Variants in GALNTL6 observed in about 807,000 individuals in gnomAD.
The protein encoded by GALNTL6 is polypeptide N-acetylgalactosaminyltransferase-like 6.
A neutral mutation model predicts 73.7 loss-of-function variants in GALNTL6; 46 were observed. The ratio of observed to expected loss-of-function variants is 0.62; its 90% CI spans 0.49 to 0.80. The LOEUF is 0.80. Ranked by LOEUF, GALNTL6 falls within the 30% of genes least tolerant of loss-of-function variation. The pLI is 0.00. For synonymous variants in GALNTL6, 259 were observed against 263.7 expected (o/e 0.98, Z 0.17); for missense variants, 604 against 755.0 (o/e 0.80, Z 2.34).
chr4:172,174,626 C>CA (rs1489079885), intron 2 of GALNTL6, among the ~76,000 whole-genome samples: 18 of 152,066 alleles, frequency 1.2e-4, no homozygotes, highest in African/African-American at 4.3e-4. Context: ...AGACATTACT[C>CA]AAAGCACTAC....
chr4:172,864,467 C>A (rs988965763), intron 7 of GALNTL6, among the ~76,000 whole-genome samples: 5 of 152,192 alleles, frequency 3.3e-5, no homozygotes, highest in Non-Finnish European at 7.3e-5. Flanking sequence ...CTAGAATAAT[C>A]TGTGAAATTA....
At chr4:172,046,457 G>C (rs148998050) in intron 2 of GALNTL6, among the ~76,000 whole-genome samples, 1 of 152,024 alleles carries the variant, frequency 6.6e-6, no homozygotes, top group African/African-American at 2.4e-5. Flanking sequence ...ATAGTTTCCC[G>C]TGAGATCTGT....
At chr4:172,679,060 T>C (rs1307253866) in intron 5 of GALNTL6, among the ~76,000 whole-genome samples, 1 of 152,220 alleles carries the variant, frequency 6.6e-6, no homozygotes, top group Non-Finnish European at 1.5e-5. Context: ...AAATTTGAAT[T>C]CCATTGAATT....
At chr4:171,828,501 A>G (rs1328849216) in intron 2 of GALNTL6, among the ~76,000 whole-genome samples, 1 of 152,224 alleles carries the variant, frequency 6.6e-6, no homozygotes, top group African/African-American at 2.4e-5. Context: ...ATGGAAGTCC[A>G]CAGCTGCAGT....
chr4:172,463,848 C>A (rs1732702514), intron 5 of GALNTL6, among the ~76,000 whole-genome samples: 2 of 152,116 alleles, frequency 1.3e-5, no homozygotes, highest in Admixed American at 1.3e-4. Context: ...ATAAATGCCC[C>A]CACAATATTT....
intron 7 of GALNTL6, among the ~76,000 whole-genome samples, chr4:172,862,819 T>A (rs935201672): frequency 6.6e-6 from 1 of 152,176 alleles, no homozygotes; most frequent in Non-Finnish European, 1.5e-5. Context: ...GTGGAAAATG[T>A]CTCCAGGGCA....
At chr4:172,094,307 T>A (rs1732289209) in intron 2 of GALNTL6, among the ~76,000 whole-genome samples, 1 of 152,214 alleles carries the variant, frequency 6.6e-6, no homozygotes, top group South Asian at 2.1e-4. Flanking sequence ...ACTTTAAGAT[T>A]GTATAACACT....
At chr4:172,558,315 T>G (rs1255057724) in intron 5 of GALNTL6, among the ~76,000 whole-genome samples, 1 of 152,210 alleles carries the variant, frequency 6.6e-6, no homozygotes, top group Non-Finnish European at 1.5e-5. Context: ...TGAGGGGTTA[T>G]GAACTGAATT....
chr4:172,881,162 A>G lies in GALNTL6; in HGVS notation c.924-1628A>G, dbSNP rs17058984. Among the ~76,000 whole-genome samples, 366 of 152,302 alleles carry G rather than the reference A, an allele frequency of 2.4e-3. 2 individuals carry two copies. Among genetic ancestry groups the G allele is most frequent in the African/African-American group, 8.5e-3 (355 of 41,572 alleles). The stretch of plus-strand genomic sequence containing the variant: ...AACACTTGCAGAAGTAATGCTTACA[A>G]TTGGTAAAGTGTTCTTTGGGGAACT... On this transcript the variant is annotated intron_variant, in intron 7 of 12. Coordinates refer to ENST00000506823, the MANE Select transcript of GALNTL6 (RefSeq NM_001034845.3).
chr4:172,893,874 A>G (rs1199709330), intron 8 of GALNTL6, among the ~76,000 whole-genome samples: 1 of 151,982 alleles, frequency 6.6e-6, no homozygotes, highest in Non-Finnish European at 1.5e-5. Context: ...AGGTCATAGG[A>G]TCTCATGTAT....
At chr4:172,526,721 C>T (rs1421166484) in intron 5 of GALNTL6, among the ~76,000 whole-genome samples, 3 of 152,096 alleles carry the variant, frequency 2.0e-5, no homozygotes. Context: ...TAATCAGAAT[C>T]GTACTTCTTA....
intron 3 of GALNTL6, among the ~76,000 whole-genome samples, chr4:172,234,527 G>C (rs541309654): frequency 5.9e-4 from 90 of 152,026 alleles, no homozygotes; most frequent in Non-Finnish European, 1.2e-3. Context: ...TTAACCTGAA[G>C]GAGTGCTGAT....
rs561133904 is a variant in GALNTL6 at position 171,850,015 on chromosome 4, G to A, written c.138+35297G>A. ...GAGTCTCACTGCCATGCCCAGGCTG[G>A]AGTGCAATGGTGCAATCTCGGCTCA... On this transcript the variant is annotated intron_variant, in intron 2 of 12. Coordinates refer to ENST00000506823, the MANE Select transcript of GALNTL6 (RefSeq NM_001034845.3). Among the ~76,000 whole-genome samples, 7 of 152,328 alleles carry A rather than the reference G, an allele frequency of 4.6e-5. No individual in the cohort carries two copies. The East Asian group carries it at 1.4e-3, about 29-fold the overall frequency.
At chr4:172,038,116 T>TGA (rs572296112) in intron 2 of GALNTL6, among the ~76,000 whole-genome samples, 2 of 89,030 alleles carry the variant, frequency 2.2e-5, no homozygotes. Flanking sequence ...AGACTCTGTC[T>TGA]CAAAAAAAAA....
intron 5 of GALNTL6, among the ~76,000 whole-genome samples, chr4:172,634,039 G>T (rs938784523): frequency 1.3e-4 from 20 of 152,266 alleles, no homozygotes; most frequent in Non-Finnish European, 2.5e-4. Context: ...CTAATACATA[G>T]TCCTAAACTT....
chr4:172,133,410 A>G (rs150287579), intron 2 of GALNTL6, among the ~76,000 whole-genome samples: 2,071 of 152,370 alleles, frequency 0.014, 21 homozygotes, highest in Non-Finnish European at 0.019. Flanking sequence ...TAGATTATTC[A>G]TTGTTGATTC....
chr4:172,512,689 C>G (rs768790104), intron 5 of GALNTL6, among the ~76,000 whole-genome samples: 1 of 152,034 alleles, frequency 6.6e-6, no homozygotes, highest in African/African-American at 2.4e-5. Flanking sequence ...TGTATCTTTC[C>G]TTCATTTATA....
At chr4:172,365,840 A>G (rs1742539892) in intron 5 of GALNTL6, among the ~76,000 whole-genome samples, 1 of 152,216 alleles carries the variant, frequency 6.6e-6, no homozygotes, top group Non-Finnish European at 1.5e-5. Flanking sequence ...GAGCTTAAAA[A>G]GCTAGGCTGA....
intron 2 of GALNTL6, among the ~76,000 whole-genome samples, chr4:171,889,070 C>T (rs984634448): frequency 3.3e-5 from 5 of 151,960 alleles, no homozygotes; most frequent in Non-Finnish European, 7.4e-5. Context: ...TCACAACTTG[C>T]TGGGGTCTCT....
Sources: gnomAD v4.1 joint callset for allele counts (sites outside exome capture counted in the v4.1 genomes callset) on GRCh38, gnomAD v4.1.1 for gene constraint, MANE v1.5 for transcripts, NCBI Gene and HGNC (gene_info 2026-07-23, HGNC 2026-07-21) for gene names.